TSPAN13: variants seen among roughly 807,000 people sequenced by gnomAD.
TSPAN13 encodes tetraspanin-13.
In TSPAN13, 18 loss-of-function variants were observed where a neutral mutation model predicts 26.9. The ratio of observed to expected loss-of-function variants is 0.67; its 90% CI spans 0.46 to 0.99. The LOEUF is 0.99. Among genes scored for constraint, TSPAN13 ranks in the 50% least tolerant of loss-of-function variants. TSPAN13 has a pLI of 0.00. For missense variants in TSPAN13, 201 were observed against 249.6 expected, an observed-to-expected ratio of 0.81 and a Z score of 1.31; for synonymous variants, 116 against 98.4, an observed-to-expected ratio of 1.18 and a Z score of -1.06.
intron 1 of TSPAN13, among the ~76,000 whole-genome samples, chr7:16,763,868 G>A (rs1436772409): frequency 6.6e-6 from 1 of 152,018 alleles, no homozygotes; most frequent in East Asian, 1.9e-4. Context: ...TCTTATTCTG[G>A]GCAGCAACTT....
At chr7:16,757,934 A>G (rs1166487517) in intron 1 of TSPAN13, among the ~76,000 whole-genome samples, 1 of 152,094 alleles carries the variant, frequency 6.6e-6, no homozygotes, top group Non-Finnish European at 1.5e-5. Context: ...CCTGGGTTCA[A>G]GCGATTCTCC....
chr7:16,754,856 G>A (rs1458646626), intron 1 of TSPAN13, among the ~76,000 whole-genome samples: 3 of 152,138 alleles, frequency 2.0e-5, no homozygotes, highest in African/African-American at 7.2e-5. Context: ...TTTATTGAAT[G>A]CCTATCACGT....
chr7:16,773,100 G>T (rs1784699808), intron 1 of TSPAN13, among the ~76,000 whole-genome samples: 1 of 150,994 alleles, frequency 6.6e-6, no homozygotes, highest in Non-Finnish European at 1.5e-5. Context: ...CTGTTTATCT[G>T]AATTTTTTTG....
intron 1 of TSPAN13, among the ~76,000 whole-genome samples, chr7:16,774,854 T>A (rs1303037311): frequency 6.6e-6 from 1 of 152,132 alleles, no homozygotes; most frequent in Non-Finnish European, 1.5e-5. Flanking sequence ...GGCAAAAAAA[T>A]ACAAAAAAAT....
chr7:16,776,821 G>A (rs1276928418), intron 2 of TSPAN13, among the ~76,000 whole-genome samples: 3 of 152,050 alleles, frequency 2.0e-5, no homozygotes, highest in African/African-American at 7.2e-5. Context: ...TCTAGTTTTA[G>A]TTATGTAATT....
intron 3 of TSPAN13, 101 bp downstream of exon 3, chr7:16,777,223 A>G (rs1287650345): frequency 6.1e-6 from 5 of 821,412 alleles, no homozygotes; most frequent in Non-Finnish European, 9.8e-6. Context: ...CGTCTTGCAC[A>G]GAATGCCACC....
At chr7:16,757,312 A>T (rs936083450) in intron 1 of TSPAN13, among the ~76,000 whole-genome samples, 4 of 152,210 alleles carry the variant, frequency 2.6e-5, no homozygotes, top group Non-Finnish European at 5.9e-5. Context: ...TTAATAGTTT[A>T]TAGGAATATT....
At chr7:16,767,841 T>G (rs1392604841) in intron 1 of TSPAN13, among the ~76,000 whole-genome samples, 4 of 152,250 alleles carry the variant, frequency 2.6e-5, no homozygotes, top group African/African-American at 9.6e-5. Context: ...AATTGACTCT[T>G]ACTACCTTTC....
At position 16,773,231 on chromosome 7, in the gene TSPAN13, G is replaced by A. The variant is rs116915128; in HGVS notation, c.64-2980G>A. ...GTAATTTTTCATTCTCTTCTATACCGACTTCTAGAGCAGGGGTCCGAAAAC... is the reference window on the plus strand; with the variant it reads ...GTAATTTTTCATTCTCTTCTATACCAACTTCTAGAGCAGGGGTCCGAAAAC... On this transcript the variant is annotated intron_variant, in intron 1 of 5. Coordinates refer to ENST00000262067, the MANE Select transcript of TSPAN13 (RefSeq NM_014399.4). Among the ~76,000 whole-genome samples the A allele has an allele frequency of 9.1e-3, 1,362 of 150,050 alleles. 15 individuals carry two copies. The highest frequency in any genetic ancestry group is 0.013 in the Non-Finnish European group (893 of 67,816).
At chr7:16,778,316 T>A (rs1220056174) in intron 4 of TSPAN13, among the ~76,000 whole-genome samples, 2 of 152,192 alleles carry the variant, frequency 1.3e-5, no homozygotes, top group African/African-American at 4.8e-5. Context: ...TTGTAGGGGG[T>A]CTGTGTTATG....
At chr7:16,756,526 C>T (rs772177433) in intron 1 of TSPAN13, among the ~76,000 whole-genome samples, 3 of 152,268 alleles carry the variant, frequency 2.0e-5, no homozygotes, top group Non-Finnish European at 2.9e-5. Context: ...GCCTGAGATT[C>T]GTGCCACATT....
intron 1 of TSPAN13, among the ~76,000 whole-genome samples, chr7:16,758,568 C>T (rs1281846866): frequency 6.6e-6 from 1 of 152,098 alleles, no homozygotes; most frequent in Non-Finnish European, 1.5e-5. Flanking sequence ...GTAAAACTTG[C>T]ATAAAGAAAA....
At chr7:16,762,834 A>G (rs913135507) in intron 1 of TSPAN13, among the ~76,000 whole-genome samples, 3 of 152,132 alleles carry the variant, frequency 2.0e-5, no homozygotes, top group Admixed American at 6.5e-5. Context: ...AAGATGGTCT[A>G]AAATGTCTTT....
chr7:16,764,094 C>T lies in TSPAN13; in HGVS notation c.63+10064C>T, dbSNP rs530493556. ...GTACAGTGGCGCAGTCTTGACTCAC[C>T]GCAACCTCTGCCTGTCGGGTTCAAG... On this transcript the variant is annotated intron_variant, in intron 1 of 5. Transcript: ENST00000262067. Among the ~76,000 whole-genome samples the T allele has an allele frequency of 8.5e-5, 13 of 152,148 alleles. No homozygotes were observed. In the South Asian group the frequency reaches 1.7e-3, roughly 19 times the overall value.
At chr7:16,755,250 G>A (rs1361139958) in intron 1 of TSPAN13, among the ~76,000 whole-genome samples, 1 of 152,214 alleles carries the variant, frequency 6.6e-6, no homozygotes, top group Non-Finnish European at 1.5e-5. Context: ...GTCACCAACA[G>A]GAGAAGGAGG....
intron 1 of TSPAN13, among the ~76,000 whole-genome samples, chr7:16,756,063 T>C (rs1269889455): frequency 1.3e-5 from 2 of 152,198 alleles, no homozygotes; most frequent in Non-Finnish European, 2.9e-5. Context: ...TCTTTTACAT[T>C]GTAAATAGGC....
chr7:16,759,847 C>A (rs1307779050), intron 1 of TSPAN13, among the ~76,000 whole-genome samples: 1 of 152,062 alleles, frequency 6.6e-6, no homozygotes, highest in Admixed American at 6.5e-5. Flanking sequence ...TACCACCATA[C>A]CCAGCTAATT....
At chr7:16,761,950 T>C (rs2115323938) in intron 1 of TSPAN13, among the ~76,000 whole-genome samples, 1 of 152,318 alleles carries the variant, frequency 6.6e-6, no homozygotes, top group Admixed American at 6.5e-5. Flanking sequence ...ATAACTTCTC[T>C]GTTGCGTTAG....
chr7:16,774,261 T>G (rs1461058379), intron 1 of TSPAN13, among the ~76,000 whole-genome samples: 1 of 152,226 alleles, frequency 6.6e-6, no homozygotes, highest in East Asian at 1.9e-4. Context: ...GGATTTTCAC[T>G]CAATAGATAG....
Sources: allele counts gnomAD v4.1 joint callset (sites outside exome capture counted in the v4.1 genomes callset), GRCh38; gene constraint gnomAD v4.1.1; transcripts MANE v1.5; gene names NCBI Gene and HGNC (gene_info 2026-07-23, HGNC 2026-07-21).